The following FSTL4 variants were observed in gnomAD, a reference collection of about 807,000 sequenced individuals.
FSTL4 encodes follistatin like 4, also known as follistatin-related protein 4.
In FSTL4, 28 loss-of-function variants were observed where a neutral mutation model predicts 78.2. The observed-to-expected ratio is 0.36, with a 90% confidence interval of 0.27 to 0.49. The LOEUF is 0.49. Ranked by LOEUF, FSTL4 falls within the 20% of genes least tolerant of loss-of-function variation. FSTL4 has a pLI of 0.98. For synonymous variants in FSTL4, 422 were observed against 440.5 expected, an observed-to-expected ratio of 0.96 and a Z score of 0.53; for missense variants, 922 against 1,084.9, an observed-to-expected ratio of 0.85 and a Z score of 2.11.
At chr5:133,789,413 C>A in the FSTL4 span, among the ~76,000 whole-genome samples, 1 of 152,200 alleles carries the variant, frequency 6.6e-6, no homozygotes, top group Non-Finnish European at 1.5e-5. Flanking sequence ...TCCAGCAATT[C>A]TCTCTGGACT....
chr5:133,603,764 A>T (rs1760918562), intron 2 of FSTL4, 94 bp downstream of exon 2: 9 of 1,370,260 alleles, frequency 6.6e-6, no homozygotes, highest in African/African-American at 1.4e-5. Context: ...TTGTGATCTA[A>T]CTGATCTAAA....
chr5:133,561,833 G>A (rs1043274912), intron 3 of FSTL4, among the ~76,000 whole-genome samples: 2 of 152,100 alleles, frequency 1.3e-5, no homozygotes, highest in African/African-American at 4.8e-5. Flanking sequence ...TCAAAACTGG[G>A]CACCAAATCA....
At chr5:133,261,959 T>G (rs188279131) in intron 6 of FSTL4, among the ~76,000 whole-genome samples, 58 of 149,778 alleles carry the variant, frequency 3.9e-4, no homozygotes, top group Middle Eastern at 3.5e-3. Flanking sequence ...GCCACTGGAC[T>G]CCAACCTGGG....
upstream of FSTL4, among the ~76,000 whole-genome samples, chr5:133,615,830 T>G (rs2112991208): frequency 6.6e-6 from 1 of 152,246 alleles, no homozygotes; most frequent in East Asian, 1.9e-4. Context: ...CAACTGTGAT[T>G]GGGGAAATTT....
the FSTL4 span, among the ~76,000 whole-genome samples, chr5:133,796,550 C>A: frequency 2.0e-5 from 3 of 152,136 alleles, no homozygotes; most frequent in African/African-American, 4.8e-5. Flanking sequence ...GGAAGATGAT[C>A]TTCCCCTGGA....
At chr5:133,682,483 G>C in the FSTL4 span, among the ~76,000 whole-genome samples, 1 of 152,240 alleles carries the variant, frequency 6.6e-6, no homozygotes, top group Non-Finnish European at 1.5e-5. Flanking sequence ...AAACTCCAAT[G>C]CTGGCAATAT....
the FSTL4 span, among the ~76,000 whole-genome samples, chr5:133,783,580 T>A: frequency 5.3e-5 from 8 of 152,194 alleles, no homozygotes; most frequent in African/African-American, 1.9e-4. Context: ...CTCCAGGCAA[T>A]ATCTTTTAAA....
At chr5:133,735,148 T>A in the FSTL4 span, among the ~76,000 whole-genome samples, 2 of 151,788 alleles carry the variant, frequency 1.3e-5, no homozygotes, top group South Asian at 4.2e-4. Context: ...GCCTGACCCA[T>A]CCCACAACCA....
At chr5:133,376,902 A>AAG (rs1755448918) in intron 4 of FSTL4, among the ~76,000 whole-genome samples, 1 of 151,898 alleles carries the variant, frequency 6.6e-6, no homozygotes. Context: ...AAAAAAAAAA[A>AAG]AAAGAAAATC....
chr5:133,603,733 GAAGTGC>G (rs1459905387), intron 2 of FSTL4, 119 bp downstream of exon 2: 1 of 1,112,480 alleles, frequency 9.0e-7, no homozygotes, highest in African/African-American at 1.5e-5. Context: ...CACCAAAAAG[GAAGTGC>G]AATTTTAATT....
rs1757564913 is a variant in FSTL4, at chr5:133,460,177, T to C, written c.161-59191A>G. On this transcript the variant is annotated intron_variant, in intron 3 of 15. Transcript: ENST00000265342. ...TCAGGCCCGCTCCCACACTGTGGAGTGTACTTTCATTTTCAGTACATCTCT... is the reference window on the plus strand; with the variant it reads ...TCAGGCCCGCTCCCACACTGTGGAGCGTACTTTCATTTTCAGTACATCTCT... Among the ~76,000 whole-genome samples the C allele has an allele frequency of 2.6e-5, 4 of 151,488 alleles. No individual in the cohort carries two copies. In the South Asian group the frequency reaches 8.3e-4, roughly 32 times the overall value.
At chr5:133,398,612 C>T (rs868625304) in intron 4 of FSTL4, among the ~76,000 whole-genome samples, 9 of 152,246 alleles carry the variant, frequency 5.9e-5, no homozygotes, top group Admixed American at 3.3e-4. Flanking sequence ...CTCATGAACA[C>T]CAAATCCATG....
chr5:133,595,928 G>C (rs1760727942), intron 2 of FSTL4, among the ~76,000 whole-genome samples: 1 of 152,242 alleles, frequency 6.6e-6, no homozygotes, highest in Non-Finnish European at 1.5e-5. Context: ...AGCAAAGGCA[G>C]GGCCGGGGAT....
intron 4 of FSTL4, among the ~76,000 whole-genome samples, chr5:133,341,225 ATTTT>A (rs1242311488): frequency 2.4e-5 from 3 of 125,508 alleles, no homozygotes; most frequent in Admixed American, 8.2e-5. Context: ...TCCTGCTCAC[ATTTT>A]TTTTTTTTTT....
At chr5:133,226,021 A>G in intron 8 of FSTL4, 1 of 415,380 alleles carries the variant, frequency 2.4e-6, no homozygotes, top group Non-Finnish European at 4.2e-6. Flanking sequence ...GATAATAAAC[A>G]TGTCAGACTT....
At chr5:133,293,159 G>A (rs1561659733) in intron 6 of FSTL4, among the ~76,000 whole-genome samples, 1 of 152,230 alleles carries the variant, frequency 6.6e-6, no homozygotes, top group African/African-American at 2.4e-5. Context: ...GAGGCAGGCG[G>A]CCATCTTGGC....
At chr5:133,759,437 C>A in the FSTL4 span, among the ~76,000 whole-genome samples, 1 of 152,142 alleles carries the variant, frequency 6.6e-6, no homozygotes, top group Non-Finnish European at 1.5e-5. Context: ...CCTACTCATC[C>A]AATTCTGGGA....
the FSTL4 span, among the ~76,000 whole-genome samples, chr5:133,703,408 T>A: frequency 2.0e-5 from 3 of 152,166 alleles, no homozygotes; most frequent in African/African-American, 7.2e-5. Flanking sequence ...GCTCTATCTC[T>A]CTGTGGACTG....
the FSTL4 span, among the ~76,000 whole-genome samples, chr5:133,797,744 T>C: frequency 1.3e-5 from 2 of 152,178 alleles, no homozygotes; most frequent in Non-Finnish European, 2.9e-5. Flanking sequence ...TCCCCAGGAC[T>C]GGGGTACCTT....
Sources: gnomAD v4.1 joint callset for allele counts (sites outside exome capture counted in the v4.1 genomes callset) on GRCh38, gnomAD v4.1.1 for gene constraint, MANE v1.5 for transcripts, NCBI Gene and HGNC (gene_info 2026-07-23, HGNC 2026-07-21) for gene names.